Variants in ELOVL7 observed in about 807,000 individuals in gnomAD.
The protein encoded by ELOVL7 is ELOVL fatty acid elongase 7, also known as very long chain fatty acid elongase 7.
A neutral mutation model predicts 35.7 loss-of-function variants in ELOVL7; 27 were observed. The observed-to-expected ratio is 0.76, with a 90% CI of 0.56 to 1.04. The LOEUF is 1.04. ELOVL7 is among the 50% of genes least tolerant of loss of function. The probability of loss-of-function intolerance (pLI) is 0.00; values close to 1 mark genes in which losing one functional copy is unlikely to be tolerated. For synonymous variants in ELOVL7, 113 were observed against 114.6 expected, an observed-to-expected ratio of 0.99 and a Z score of 0.09; for missense variants, 327 against 340.8, an observed-to-expected ratio of 0.96 and a Z score of 0.32.
intron 1 of ELOVL7, among the ~76,000 whole-genome samples, chr5:60,837,407 A>C (rs1408719736): frequency 6.6e-6 from 1 of 151,636 alleles, no homozygotes; most frequent in East Asian, 1.9e-4. Flanking sequence ...CAGTGAGCCA[A>C]GATCACAACA....
intron 1 of ELOVL7, among the ~76,000 whole-genome samples, chr5:60,828,566 GA>G (rs2112376349): frequency 6.6e-6 from 1 of 152,166 alleles, no homozygotes; most frequent in South Asian, 2.1e-4. Flanking sequence ...TATGTATCCA[GA>G]TCATACTTTT....
chr5:60,764,113 A>G, intron 7 of ELOVL7, 114 bp downstream of exon 7: 1 of 717,826 alleles, frequency 1.4e-6, no homozygotes, highest in South Asian at 1.7e-5. Flanking sequence ...GTATAAACAA[A>G]GTGACTCTTT....
intron 3 of ELOVL7, chr5:60,784,041 G>T: frequency 2.4e-6 from 2 of 826,802 alleles, no homozygotes; most frequent in Non-Finnish European, 4.0e-6. Context: ...TTAATAATTC[G>T]TTTCTAAGAG....
At chr5:60,807,992 C>CAAAAAAA (rs34086506) in intron 1 of ELOVL7, among the ~76,000 whole-genome samples, 155 of 42,416 alleles carry the variant, frequency 3.7e-3, no homozygotes, top group South Asian at 6.1e-3. Context: ...GACTCCGTCT[C>CAAAAAAA]AAAAAAAAAA....
At chr5:60,757,487 T>A (rs1741613410) in intron 8 of ELOVL7, 22 bp downstream of exon 8, 1 of 1,611,400 alleles carries the variant, frequency 6.2e-7, no homozygotes, top group Non-Finnish European at 8.5e-7. Context: ...ATATATGGTT[T>A]TAAAGACAAT....
At chr5:60,837,802 C>A (rs1354525321) in intron 1 of ELOVL7, among the ~76,000 whole-genome samples, 1 of 151,996 alleles carries the variant, frequency 6.6e-6, no homozygotes, top group East Asian at 1.9e-4. Flanking sequence ...ATTAGCCAGG[C>A]ATGATGGTGC....
intron 2 of ELOVL7, among the ~76,000 whole-genome samples, chr5:60,794,449 A>T (rs1338519921): frequency 6.6e-6 from 1 of 152,244 alleles, no homozygotes; most frequent in Non-Finnish European, 1.5e-5. Flanking sequence ...ATCAGAAGGC[A>T]GAACTCTGGG....
At chr5:60,817,063 G>T (rs1422472672) in intron 1 of ELOVL7, among the ~76,000 whole-genome samples, 1 of 151,936 alleles carries the variant, frequency 6.6e-6, no homozygotes, top group East Asian at 1.9e-4. Context: ...TTCCAACAAT[G>T]ACACAAAACA....
Position 60,767,900 on chromosome 5 carries a change from C to A in ELOVL7, c.259G>T (p.Val87Leu). Reference protein sequence around the residue: ...LFSVYMCYEFVMSGWGIGYSF... With the variant: ...LFSVYMCYEFLMSGWGIGYSF... ...TAACCTATACCCCAGCCAGACATCA[C>A]AAACTGCAAGAGAGCACATGCATAT... Residue 87 changes from valine to leucine, a missense_variant, in exon 5 of 9, where the codon GTG (valine) becomes TTG (leucine). Physicochemically the swap from Val to Leu is conservative, Grantham distance 32 (BLOSUM62 1). Transcript: ENST00000508821. 1.9e-6 allele frequency: 3 copies of A among 1,613,354 alleles called. No individual in the cohort carries two copies. Among genetic ancestry groups the A allele is most frequent in the Non-Finnish European group, 2.5e-6 (3 of 1,179,402 alleles).
rs1744713662 is a variant in ELOVL7 at position 60,802,658 on chromosome 5, C to T, written c.-85-3428G>A. ...TATCTGGGACGACTGCTTGAAGTTC[C>T]TAAGTATCTGTGAAAGAGAAAATCA... On this transcript the variant is annotated intron_variant, in intron 1 of 8. Transcript: ENST00000508821. 3 of 152,270 alleles carry T rather than the reference C, an allele frequency of 2.0e-5. No individual in the cohort carries two copies. In the South Asian group the frequency reaches 6.2e-4, roughly 32 times the overall value. The allele number at this position is 152,270 out of a possible 1,614,324, so 9.4% of individuals were successfully genotyped here. A position where few individuals can be genotyped will look rare whatever the true frequency, so the allele number is the denominator to read the frequency against.
At chr5:60,790,839 T>C (rs1023441138) in intron 2 of ELOVL7, among the ~76,000 whole-genome samples, 6 of 152,230 alleles carry the variant, frequency 3.9e-5, no homozygotes, top group Non-Finnish European at 8.8e-5. Flanking sequence ...AACTAACTCA[T>C]AGAGTTGTTT....
chr5:60,833,821 G>A (rs965830210), intron 1 of ELOVL7, among the ~76,000 whole-genome samples: 4 of 152,088 alleles, frequency 2.6e-5, no homozygotes, highest in Non-Finnish European at 5.9e-5. Context: ...GGCATAAATA[G>A]ACTTTAGCAC....
At chr5:60,772,350 C>T (rs192415006) in intron 3 of ELOVL7, among the ~76,000 whole-genome samples, 1 of 152,174 alleles carries the variant, frequency 6.6e-6, no homozygotes. Context: ...ATAAAAGGCA[C>T]CCCAGGGAGC....
intron 2 of ELOVL7, among the ~76,000 whole-genome samples, chr5:60,794,840 A>C (rs1200810581): frequency 6.6e-6 from 1 of 152,148 alleles, no homozygotes; most frequent in Non-Finnish European, 1.5e-5. Context: ...ACTGAAATGA[A>C]CTGCAGGAAG....
At chr5:60,770,069 A>G (rs1052721464) in intron 4 of ELOVL7, among the ~76,000 whole-genome samples, 4 of 149,146 alleles carry the variant, frequency 2.7e-5, no homozygotes, top group African/African-American at 1.0e-4. Context: ...AAAAAAAAAA[A>G]GAATTCCCTG....
chr5:60,799,758 C>G (rs146299650), intron 1 of ELOVL7, among the ~76,000 whole-genome samples: 2 of 152,166 alleles, frequency 1.3e-5, no homozygotes, highest in African/African-American at 2.4e-5. Context: ...AACTAATAGA[C>G]CGGGTGTGGT....
chr5:60,770,481 A>G (rs1391072454), intron 4 of ELOVL7, among the ~76,000 whole-genome samples: 5 of 152,174 alleles, frequency 3.3e-5, no homozygotes, highest in Admixed American at 2.0e-4. Flanking sequence ...CCTGGCTTCC[A>G]GGTATGTTCT....
At chr5:60,833,575 A>T (rs1380914916) in intron 1 of ELOVL7, among the ~76,000 whole-genome samples, 1 of 152,212 alleles carries the variant, frequency 6.6e-6, no homozygotes, top group Non-Finnish European at 1.5e-5. Flanking sequence ...CACTAAAAAA[A>T]GAAAAAAAAA....
intron 2 of ELOVL7, among the ~76,000 whole-genome samples, chr5:60,787,943 A>G (rs1212052347): frequency 6.6e-6 from 1 of 152,228 alleles, no homozygotes; most frequent in African/African-American, 2.4e-5. Flanking sequence ...AGGAAGGTCT[A>G]TAATATCCAA....
Sources: allele counts gnomAD v4.1 joint callset (sites outside exome capture counted in the v4.1 genomes callset), GRCh38; gene constraint gnomAD v4.1.1; transcripts MANE v1.5; gene names NCBI Gene and HGNC (gene_info 2026-07-23, HGNC 2026-07-21).